The following SPOCK1 variants were observed in gnomAD, a reference collection of about 807,000 sequenced individuals.
SPOCK1 encodes SPARC (osteonectin), cwcv and kazal like domains proteoglycan 1, also known as testican-1.
In SPOCK1, 23 loss-of-function variants were observed where a neutral mutation model predicts 55.3. The observed-to-expected ratio is 0.42, with a 90% CI of 0.30 to 0.59. The LOEUF is 0.59. Among genes scored for constraint, SPOCK1 ranks in the 20% least tolerant of loss-of-function variants. SPOCK1 has a pLI of 0.22. For missense variants in SPOCK1, 499 were observed against 552.5 expected, an observed-to-expected ratio of 0.90 and a Z score of 0.97; for synonymous variants, 226 against 221.0, an observed-to-expected ratio of 1.02 and a Z score of -0.20.
intron 4 of SPOCK1, among the ~76,000 whole-genome samples, chr5:137,128,303 C>T (rs894379706): frequency 4.6e-5 from 7 of 152,154 alleles, no homozygotes; most frequent in African/African-American, 7.2e-5. Context: ...TCTATAGTAT[C>T]GTCTTATAGC....
At chr5:137,040,699 T>G (rs1397907239) in intron 6 of SPOCK1, among the ~76,000 whole-genome samples, 1 of 152,218 alleles carries the variant, frequency 6.6e-6, no homozygotes, top group Non-Finnish European at 1.5e-5. Context: ...CTAAAACTTT[T>G]TTGTTGTTGT....
chr5:137,174,112 C>G (rs968666190), intron 3 of SPOCK1, among the ~76,000 whole-genome samples: 1 of 152,202 alleles, frequency 6.6e-6, no homozygotes, highest in Non-Finnish European at 1.5e-5. Context: ...TATTGTGGTA[C>G]TTCTCACATT....
At chr5:137,434,484 T>C (rs930444149) in intron 2 of SPOCK1, among the ~76,000 whole-genome samples, 2 of 108,416 alleles carry the variant, frequency 1.8e-5, no homozygotes, top group Non-Finnish European at 3.7e-5. Flanking sequence ...TTTTTTCTTT[T>C]TTTTTTTTTT....
intron 2 of SPOCK1, among the ~76,000 whole-genome samples, chr5:137,295,011 G>T (rs1320544270): frequency 6.6e-6 from 1 of 151,922 alleles, no homozygotes; most frequent in Non-Finnish European, 1.5e-5. Flanking sequence ...TTTCTCTGTA[G>T]GATTCATCAC....
At chr5:137,003,271 C>T (rs1187421321) in intron 6 of SPOCK1, among the ~76,000 whole-genome samples, 3 of 151,928 alleles carry the variant, frequency 2.0e-5, no homozygotes, top group Non-Finnish European at 2.9e-5. Flanking sequence ...TGGTGGCACA[C>T]GCCTGTAATC....
chr5:137,220,298 G>T lies in SPOCK1; in HGVS notation c.232+46712C>A, dbSNP rs546079203. ...AAAGAAAACAACCTTCTCTCATTTT[G>T]GGGGGCATGTACATAACTAATCCTT... On this transcript the variant is annotated intron_variant, in intron 3 of 10. Transcript: ENST00000394945. Among the ~76,000 whole-genome samples, 4 of 152,262 alleles carry T rather than the reference G, an allele frequency of 2.6e-5. No individual in the cohort carries two copies. In the East Asian group the frequency reaches 7.7e-4, roughly 29 times the overall value.
chr5:137,077,501 G>C (rs192601162), intron 5 of SPOCK1, among the ~76,000 whole-genome samples: 71 of 152,344 alleles, frequency 4.7e-4, no homozygotes, highest in African/African-American at 1.7e-3. Flanking sequence ...ACTAGTGATA[G>C]TGATGTTAGT....
intron 2 of SPOCK1, among the ~76,000 whole-genome samples, chr5:137,427,451 C>G (rs1752655504): frequency 6.6e-6 from 1 of 152,138 alleles, no homozygotes; most frequent in Non-Finnish European, 1.5e-5. Flanking sequence ...AAGCCAAGGG[C>G]ATGGGCAAGG....
chr5:137,192,206 C>A (rs1160949337), intron 3 of SPOCK1, among the ~76,000 whole-genome samples: 1 of 134,438 alleles, frequency 7.4e-6, no homozygotes, highest in Non-Finnish European at 1.5e-5. Context: ...GCACTCCAGC[C>A]TGGGTGACAG....
chr5:137,197,765 A>T (rs543228645), intron 3 of SPOCK1, among the ~76,000 whole-genome samples: 2 of 152,340 alleles, frequency 1.3e-5, no homozygotes, highest in East Asian at 3.9e-4. Flanking sequence ...GACCATGGGC[A>T]AGTTACTTAC....
chr5:137,418,491 G>A (rs910658624), intron 2 of SPOCK1, among the ~76,000 whole-genome samples: 3 of 151,812 alleles, frequency 2.0e-5, no homozygotes, highest in Admixed American at 6.6e-5. Context: ...TTTAATGATC[G>A]CCATTCTAAC....
chr5:137,332,682 G>C (rs1380280891), intron 2 of SPOCK1, among the ~76,000 whole-genome samples: 1 of 152,194 alleles, frequency 6.6e-6, no homozygotes, highest in Admixed American at 6.5e-5. Flanking sequence ...AGATGATACA[G>C]TGTCATGCAA....
chr5:137,388,639 T>C (rs1751646664), intron 2 of SPOCK1, among the ~76,000 whole-genome samples: 1 of 152,090 alleles, frequency 6.6e-6, no homozygotes, highest in Non-Finnish European at 1.5e-5. Context: ...CTCAACAGCA[T>C]GGATGGACAC....
rs1386495237 is a variant in SPOCK1 at position 136,977,004 on chromosome 5, G to A, written c.*1650C>T. 5.3e-5 allele frequency: 8 copies of A among 152,264 alleles called. No individual in the cohort carries two copies. Among genetic ancestry groups the A allele is most frequent in the African/African-American group, 1.9e-4 (8 of 41,440 alleles). 9.4% of individuals were successfully genotyped at this position (152,264 alleles called of 1,614,324 possible). A position where few individuals can be genotyped will look rare whatever the true frequency, so the allele number is the denominator to read the frequency against. On this transcript the variant is annotated 3_prime_UTR_variant, in exon 11 of 11. Coordinates refer to ENST00000394945, the MANE Select transcript of SPOCK1 (RefSeq NM_004598.4). The stretch of plus-strand genomic sequence containing the variant: ...GCTTGAGTTTATGTGGCTTTTGTGT[G>A]GACAGGCTGAAGTTCATGGGGGAAG...
chr5:137,263,206 G>A (rs982706385), intron 3 of SPOCK1, among the ~76,000 whole-genome samples: 8 of 152,174 alleles, frequency 5.3e-5, no homozygotes, highest in Non-Finnish European at 8.8e-5. Flanking sequence ...AGGCAAATTT[G>A]GAAAATGATA....
intron 5 of SPOCK1, among the ~76,000 whole-genome samples, chr5:137,099,601 T>C (rs945979841): frequency 1.1e-4 from 16 of 152,088 alleles, no homozygotes; most frequent in African/African-American, 3.9e-4. Context: ...TATGTACACA[T>C]ATATATACAC....
At position 137,498,266 on chromosome 5, in the gene SPOCK1, C is replaced by CCACACACACACACACACA. The variant is rs544933594; in HGVS notation, c.186+89_186+106dup. 1.1e-5 allele frequency: 9 copies of CCACACACACACACACACA among 796,384 alleles called. No homozygotes were observed. The African/African-American group carries it at 1.4e-4, about 12-fold the overall frequency. The allele number at this position is 796,384 out of a possible 1,614,324, so 49.3% of individuals were successfully genotyped here. ...AGATGCCCACCTGTCCCCCTCCCAA[C>CCACACACACACACACACA]CACACACACACACACACACACACAC... On this transcript the variant is annotated intron_variant, in intron 2 of 10. Transcript: ENST00000394945.
chr5:137,439,742 T>G (rs1346439201), intron 2 of SPOCK1, among the ~76,000 whole-genome samples: 3 of 152,156 alleles, frequency 2.0e-5, no homozygotes, highest in Non-Finnish European at 4.4e-5. Flanking sequence ...AACCCTCTCA[T>G]CTTCGCTGGC....
intron 3 of SPOCK1, among the ~76,000 whole-genome samples, chr5:137,187,539 C>T (rs1755093671): frequency 6.6e-6 from 1 of 152,114 alleles, no homozygotes; most frequent in South Asian, 2.1e-4. Flanking sequence ...CTGAGGTGTT[C>T]CTGGGTTCAA....
Sources: allele counts gnomAD v4.1 joint callset (sites outside exome capture counted in the v4.1 genomes callset), GRCh38; gene constraint gnomAD v4.1.1; transcripts MANE v1.5; gene names NCBI Gene and HGNC (gene_info 2026-07-23, HGNC 2026-07-21).